CCDC14: variants seen among roughly 807,000 people sequenced by gnomAD.
CCDC14 encodes coiled-coil domain-containing protein 14.
A neutral mutation model predicts 81.4 loss-of-function variants in CCDC14; 71 were observed. That is an observed-to-expected ratio of 0.87 (90% CI 0.72 to 1.06). CCDC14 has a LOEUF of 1.06. Ranked by LOEUF, CCDC14 falls within the 50% of genes least tolerant of loss-of-function variation. CCDC14 has a pLI of 0.00. For missense variants in CCDC14, 1,046 were observed against 1,047.3 expected, an observed-to-expected ratio of 1.00 and a Z score of 0.02; for synonymous variants, 332 against 364.8, an observed-to-expected ratio of 0.91 and a Z score of 1.03.
chr3:123,918,173 T>A (rs1001581019), intron 12 of CCDC14, among the ~76,000 whole-genome samples: 1 of 152,198 alleles, frequency 6.6e-6, no homozygotes, highest in African/African-American at 2.4e-5. Flanking sequence ...TCAGTGGTGA[T>A]TATATCTCTG....
rs924379650 is a variant in CCDC14 at position 123,947,262 on chromosome 3, T to C, written c.742A>G (p.Thr248Ala). ...GAATTCCGTAGAACATCAGTACAGG[T>C]TGCAGAAACTGTTTTACCTTGTGAT... is the stretch of plus-strand genomic sequence containing the variant. Reference protein sequence around the residue: ...FASQGKTVSATCTDVLRNSFN... With the variant: ...FASQGKTVSAACTDVLRNSFN... The change falls in exon 8 of 13, where the codon ACC (threonine) becomes GCC (alanine). Residue 248 changes from threonine to alanine, a missense_variant. Transcript: ENST00000409697. The C allele has an allele frequency of 4.3e-6, 7 of 1,613,718 alleles. No individual in the cohort carries two copies. In the East Asian group the frequency reaches 8.9e-5, roughly 21 times the overall value.
intron 9 of CCDC14, among the ~76,000 whole-genome samples, chr3:123,938,965 ATTTCCACGG>A (rs1452375343): frequency 2.6e-5 from 4 of 151,924 alleles, no homozygotes; most frequent in African/African-American, 9.7e-5. Context: ...TATAACCATA[ATTTCCACGG>A]TTGTCTTAGT....
At chr3:123,942,228 T>C (rs918594304) in intron 9 of CCDC14, among the ~76,000 whole-genome samples, 3 of 152,068 alleles carry the variant, frequency 2.0e-5, no homozygotes, top group Admixed American at 2.0e-4. Flanking sequence ...TTTCCTCATC[T>C]GTAAATGCGA....
chr3:123,895,567 T>A (rs2034048339), downstream of CCDC14, among the ~76,000 whole-genome samples: 1 of 152,148 alleles, frequency 6.6e-6, no homozygotes, highest in Non-Finnish European at 1.5e-5. Context: ...TATGCCTGGG[T>A]CTTACCCCCA....
chr3:123,947,244 G>A lies in CCDC14; in HGVS notation c.760C>T (p.Arg254Trp), dbSNP rs201093787. 31 of 1,613,770 alleles carry A rather than the reference G, an allele frequency of 1.9e-5. No individual in the cohort carries two copies. Among genetic ancestry groups the A allele is most frequent in the East Asian group, 1.8e-4 (8 of 44,872 alleles). Reference protein sequence around the residue: ...TVSATCTDVLRNSFNTSPGVP... With the variant: ...TVSATCTDVLWNSFNTSPGVP... ...CCAGGACTGGTATTAAATGAATTCC[G>A]TAGAACATCAGTACAGGTTGCAGAA... Residue 254 changes from arginine (R) to tryptophan (W), a missense_variant, in exon 8 of 13, where the codon CGG becomes TGG. By Grantham distance (101) the Arg-to-Trp change is moderately radical. Coordinates refer to ENST00000409697, the MANE Select transcript of CCDC14 (RefSeq NM_001366335.1).
At chr3:123,917,498 C>CA (rs1378814354) in intron 12 of CCDC14, among the ~76,000 whole-genome samples, 162 of 121,754 alleles carry the variant, frequency 1.3e-3, no homozygotes, top group Middle Eastern at 4.1e-3. Context: ...CCATCTCAAC[C>CA]AAAAAAAAAA....
At chr3:123,921,571 C>T (rs1450544338) in intron 12 of CCDC14, among the ~76,000 whole-genome samples, 1 of 152,086 alleles carries the variant, frequency 6.6e-6, no homozygotes, top group Non-Finnish European at 1.5e-5. Flanking sequence ...GATTTCAGTA[C>T]CCGGCTCTCA....
chr3:123,926,563 TTATTTAAATTAA>T (rs1309246233), intron 12 of CCDC14, among the ~76,000 whole-genome samples: 1 of 146,710 alleles, frequency 6.8e-6, no homozygotes, highest in Non-Finnish European at 1.5e-5. Context: ...AATATAAATA[TTATTTAAATTAA>T]TATTTAAAAT....
the CCDC14 span, among the ~76,000 whole-genome samples, chr3:123,886,307 GT>G: frequency 6.6e-6 from 1 of 151,862 alleles, no homozygotes. Context: ...AGAAGCTCTA[GT>G]TTTTTTGTTT....
chr3:123,956,165 T>G, intron 3 of CCDC14, 50 bp from the exon 4 acceptor site: 1 of 1,427,184 alleles, frequency 7.0e-7, no homozygotes, highest in Non-Finnish European at 9.4e-7. Context: ...ACTGTTAGTG[T>G]AGGAAAAAAT....
At chr3:123,885,803 T>C in the CCDC14 span, among the ~76,000 whole-genome samples, 932 of 152,306 alleles carry the variant, frequency 6.1e-3, 6 homozygotes, top group Non-Finnish European at 9.2e-3. Flanking sequence ...CATTAATTAA[T>C]TGAAGTTTGC....
At chr3:123,913,097 A>G (rs2034484079), downstream of CCDC14, among the ~76,000 whole-genome samples, 1 of 152,170 alleles carries the variant, frequency 6.6e-6, no homozygotes, top group African/African-American at 2.4e-5. Flanking sequence ...AAAACTCACT[A>G]TGTATTCTAT....
chr3:123,907,067 T>A (rs2034328075), intron 5 of CCDC14, among the ~76,000 whole-genome samples: 1 of 152,188 alleles, frequency 6.6e-6, no homozygotes, highest in Admixed American at 6.5e-5. Context: ...AGTCACAAAC[T>A]TTTGTCTACT....
At chr3:123,908,073 T>C (rs1387124707) in intron 5 of CCDC14, among the ~76,000 whole-genome samples, 2 of 151,970 alleles carry the variant, frequency 1.3e-5, no homozygotes, top group Non-Finnish European at 2.9e-5. Flanking sequence ...AAAGACACTC[T>C]TCGAAATTAA....
chr3:123,918,700 C>T (rs1388525722), intron 12 of CCDC14, among the ~76,000 whole-genome samples: 1 of 152,190 alleles, frequency 6.6e-6, no homozygotes, highest in Non-Finnish European at 1.5e-5. Flanking sequence ...GGATGCTTCT[C>T]AGGAAGCCCA....
At chr3:123,895,444 C>G (rs1475625068), downstream of CCDC14, among the ~76,000 whole-genome samples, 1 of 152,202 alleles carries the variant, frequency 6.6e-6, no homozygotes, top group Non-Finnish European at 1.5e-5. Context: ...CTATCCAGAT[C>G]AGCATTGGTG....
chr3:123,908,123 T>C (rs535555219), intron 5 of CCDC14, among the ~76,000 whole-genome samples: 26 of 152,132 alleles, frequency 1.7e-4, no homozygotes, highest in Middle Eastern at 3.4e-3. Flanking sequence ...CCCATGATAT[T>C]AGTATGAAAG....
the CCDC14 span, among the ~76,000 whole-genome samples, chr3:123,886,832 T>A: frequency 4.8e-4 from 73 of 152,326 alleles, no homozygotes; most frequent in Admixed American, 9.2e-4. Context: ...TTTTTTTATA[T>A]TCTAGAGAAA....
Position 123,914,488 on chromosome 3 carries a change from C to A in CCDC14, c.*291G>T. ...ATTTCAACCTGTACCCTTAATCCAG[C>A]AGATACATCTTAATAAAAGAACTCT... On this transcript the variant is annotated 3_prime_UTR_variant, in exon 13 of 13. Coordinates refer to ENST00000409697, the MANE Select transcript of CCDC14 (RefSeq NM_001366335.1). 1 of 1,032,344 alleles carries A rather than the reference C, an allele frequency of 9.7e-7. No individual in the cohort carries two copies. The highest frequency in any genetic ancestry group is 1.2e-6 in the Non-Finnish European group (1 of 860,918). The allele number at this position is 1,032,344 out of a possible 1,614,324, so 63.9% of individuals were successfully genotyped here. A position where few individuals can be genotyped will look rare whatever the true frequency, so the allele number is the denominator to read the frequency against.
Sources: gnomAD v4.1 joint callset for allele counts (sites outside exome capture counted in the v4.1 genomes callset) on GRCh38, gnomAD v4.1.1 for gene constraint, MANE v1.5 for transcripts, NCBI Gene and HGNC (gene_info 2026-07-23, HGNC 2026-07-21) for gene names.